Variants in NCKAP5 observed in about 807,000 individuals in gnomAD.
NCKAP5 encodes the protein NCK associated protein 5.
Under a neutral mutation model 167.0 loss-of-function variants are expected in NCKAP5, and 92 were observed. The ratio of observed to expected loss-of-function variants is 0.55; its 90% confidence interval spans 0.47 to 0.66. The LOEUF (loss-of-function observed/expected upper bound fraction) is 0.66. Among genes scored for constraint, NCKAP5 ranks in the 30% least tolerant of loss-of-function variants. NCKAP5 has a pLI of 0.00. For missense variants in NCKAP5, 2,378 were observed against 2,315.0 expected (o/e 1.03, Z -0.56); for synonymous variants, 891 against 877.4 (o/e 1.02, Z -0.27).
chr2:133,532,550 A>G (rs1685449385), intron 2 of NCKAP5, among the ~76,000 whole-genome samples: 2 of 152,204 alleles, frequency 1.3e-5, no homozygotes, highest in Non-Finnish European at 2.9e-5. Context: ...GCAGTGCTAG[A>G]TGAAAGCCAG....
intron 4 of NCKAP5, among the ~76,000 whole-genome samples, chr2:133,296,498 A>G (rs1478183209): frequency 6.6e-6 from 1 of 152,212 alleles, no homozygotes; most frequent in Non-Finnish European, 1.5e-5. Context: ...GCTACTGGCA[A>G]GTTGTTAGAT....
intron 19 of NCKAP5, among the ~76,000 whole-genome samples, chr2:132,690,738 G>C (rs1686623733): frequency 6.6e-6 from 1 of 152,122 alleles, no homozygotes; most frequent in South Asian, 2.1e-4. Flanking sequence ...CAGCCAATGG[G>C]AAGCAATAGC....
intron 10 of NCKAP5, among the ~76,000 whole-genome samples, chr2:132,865,893 T>C (rs1261495650): frequency 2.0e-5 from 3 of 152,162 alleles, no homozygotes; most frequent in Non-Finnish European, 4.4e-5. Flanking sequence ...GTGCTGCATG[T>C]GGGGTCTGAA....
chr2:133,177,625 A>G (rs1026716238), intron 5 of NCKAP5, among the ~76,000 whole-genome samples: 1 of 152,100 alleles, frequency 6.6e-6, no homozygotes, highest in Non-Finnish European at 1.5e-5. Context: ...TCTATATCTG[A>G]GGTCTCCACT....
At chr2:133,646,921 CTATAA>C in the NCKAP5 span, among the ~76,000 whole-genome samples, 1 of 151,742 alleles carries the variant, frequency 6.6e-6, no homozygotes, top group Non-Finnish European at 1.5e-5. Context: ...GCTTTTATAA[CTATAA>C]TATATTTTAT....
chr2:133,111,454 C>A (rs1281772852), intron 6 of NCKAP5, among the ~76,000 whole-genome samples: 2 of 152,212 alleles, frequency 1.3e-5, no homozygotes, highest in African/African-American at 4.8e-5. Flanking sequence ...AGATTCACAT[C>A]ATTTGGGGTG....
At chr2:133,070,737 A>C (rs2149550652) in intron 6 of NCKAP5, among the ~76,000 whole-genome samples, 1 of 152,244 alleles carries the variant, frequency 6.6e-6, no homozygotes, top group African/African-American at 2.4e-5. Context: ...TAGACTATAC[A>C]GGTGTGTGAG....
chr2:133,561,773 A>C (rs1013006083), intron 1 of NCKAP5, among the ~76,000 whole-genome samples: 10 of 152,232 alleles, frequency 6.6e-5, no homozygotes, highest in Admixed American at 1.3e-4. Flanking sequence ...ATAACTACTC[A>C]CAGAAGATGA....
rs143967518 is a variant in NCKAP5, at chr2:133,070,766, T to C, written c.341+59212A>G. The stretch of plus-strand genomic sequence containing the variant: ...GTGTGAGTGTGTGTGTATGTGTGTG[T>C]GTATCCTCCTATATAGAGGCAGAAG... On this transcript the variant is annotated intron_variant, in intron 6 of 19. Coordinates refer to ENST00000409261, the MANE Select transcript of NCKAP5 (RefSeq NM_207363.3). Among the ~76,000 whole-genome samples the C allele has an allele frequency of 5.0e-3, 763 of 152,290 alleles. 1 individual carries two copies. Among genetic ancestry groups the C allele is most frequent in the Non-Finnish European group, 8.8e-3 (599 of 68,032 alleles).
chr2:133,591,454 G>A, the NCKAP5 span, among the ~76,000 whole-genome samples: 1 of 152,204 alleles, frequency 6.6e-6, no homozygotes, highest in Non-Finnish European at 1.5e-5. Flanking sequence ...ACAGACCCAC[G>A]TGTTTCCAGG....
chr2:133,661,168 A>G, the NCKAP5 span, among the ~76,000 whole-genome samples: 29 of 152,218 alleles, frequency 1.9e-4, no homozygotes, highest in South Asian at 5.0e-3. Flanking sequence ...TGAGGGTGGT[A>G]GGTGTAGGTG....
chr2:133,118,253 C>G (rs552568571), intron 6 of NCKAP5: 3 of 151,960 alleles, frequency 2.0e-5, no homozygotes, highest in East Asian at 3.9e-4. Flanking sequence ...GTCTCCACAC[C>G]TTGCTTAGCA....
intron 10 of NCKAP5, among the ~76,000 whole-genome samples, chr2:132,867,416 T>C (rs570342260): frequency 6.0e-4 from 92 of 152,330 alleles, no homozygotes; most frequent in African/African-American, 1.9e-3. Flanking sequence ...TTTCTCACCT[T>C]CTTCCAAAGT....
intron 3 of NCKAP5, among the ~76,000 whole-genome samples, chr2:133,435,235 G>T (rs72846353): frequency 0.11 from 16,306 of 152,210 alleles, 925 homozygotes; most frequent in Middle Eastern, 0.18. Flanking sequence ...CTCAGGAGGT[G>T]ATTTAGGCCT....
intron 4 of NCKAP5, among the ~76,000 whole-genome samples, chr2:133,259,307 CCT>C (rs2088788573): frequency 6.6e-6 from 1 of 152,164 alleles, no homozygotes; most frequent in Non-Finnish European, 1.5e-5. Flanking sequence ...GGCTTTGTGT[CCT>C]TTTTCTTCAC....
chr2:132,867,545 G>T (rs1690453957), intron 10 of NCKAP5, among the ~76,000 whole-genome samples: 1 of 152,160 alleles, frequency 6.6e-6, no homozygotes, highest in Non-Finnish European at 1.5e-5. Flanking sequence ...GCTTTTGGAA[G>T]TGTCCTTTAA....
intron 11 of NCKAP5, among the ~76,000 whole-genome samples, chr2:132,834,488 G>A (rs1018193467): frequency 2.6e-5 from 4 of 152,084 alleles, no homozygotes; most frequent in Non-Finnish European, 4.4e-5. Flanking sequence ...GGGACTACAG[G>A]CACCCACCAC....
chr2:133,330,618 A>G (rs909236712), intron 3 of NCKAP5, among the ~76,000 whole-genome samples: 2 of 152,176 alleles, frequency 1.3e-5, no homozygotes, highest in Non-Finnish European at 2.9e-5. Context: ...GGCCAGGCAC[A>G]GTGGCTCATG....
At chr2:133,583,795 C>T in the NCKAP5 span, among the ~76,000 whole-genome samples, 33 of 152,218 alleles carry the variant, frequency 2.2e-4, no homozygotes, top group South Asian at 2.9e-3. Flanking sequence ...GCTCTGTCGC[C>T]CAGGCTGGAA....
Sources: allele counts gnomAD v4.1 joint callset (sites outside exome capture counted in the v4.1 genomes callset), GRCh38; gene constraint gnomAD v4.1.1; transcripts MANE v1.5; gene names NCBI Gene and HGNC (gene_info 2026-07-23, HGNC 2026-07-21).